Variants in CTBP2 observed in about 807,000 individuals in gnomAD.
The protein encoded by CTBP2 is C-terminal binding protein 2.
In CTBP2, 30 loss-of-function variants were observed where a neutral mutation model predicts 80.3. That is an observed-to-expected ratio of 0.37 (90% CI 0.28 to 0.51). The LOEUF (loss-of-function observed/expected upper bound fraction) is 0.51, where lower values mean the gene tolerates loss of function less well. Ranked by LOEUF, CTBP2 falls within the 20% of genes least tolerant of loss-of-function variation. The pLI is 0.93. For missense variants in CTBP2, 1,212 were observed against 1,375.3 expected (o/e 0.88, Z 1.88); for synonymous variants, 594 against 587.4 (o/e 1.01, Z -0.16).
intron 3 of CTBP2, chr10:125,000,154 G>A (rs1954255784): frequency 6.6e-6 from 1 of 152,314 alleles, no homozygotes; most frequent in Non-Finnish European, 1.5e-5. Context: ...AGAGTCCCAG[G>A]ACGGGGAGAT....
chr10:124,995,849 T>C (rs112497142), intron 4 of CTBP2, among the ~76,000 whole-genome samples: 47 of 152,232 alleles, frequency 3.1e-4, no homozygotes, highest in African/African-American at 9.1e-4. Context: ...AGCATGCAAC[T>C]GCTGGGAGCT....
intron 2 of CTBP2, among the ~76,000 whole-genome samples, chr10:125,042,076 T>G (rs1249336818): frequency 6.6e-6 from 1 of 152,062 alleles, no homozygotes; most frequent in African/African-American, 2.4e-5. Flanking sequence ...GCTGGCCATC[T>G]TGGCTCCCAA....
At chr10:125,093,133 T>C (rs1849035670) in intron 2 of CTBP2, among the ~76,000 whole-genome samples, 1 of 152,216 alleles carries the variant, frequency 6.6e-6, no homozygotes, top group Non-Finnish European at 1.5e-5. Context: ...TATCAGAAGC[T>C]GTTTCCTTCG....
rs369550325 is a variant in CTBP2 at position 125,026,825 on chromosome 10, T to C, written c.935A>G (p.Gln312Arg). The C allele has an allele frequency of 5.6e-6, 9 of 1,613,376 alleles. No homozygotes were observed. The African/African-American group carries it at 1.2e-4, about 22-fold the overall frequency. ...GACGGCCGGGGAGTCAAAGCCCTGC[T>C]GCAGTAGGGCTCCCAGCGTGGCCTC... The change falls in exon 1 of 9, where the codon CAG becomes CGG. Residue 312 changes from glutamine to arginine, a missense_variant. By Grantham distance (43) the Gln-to-Arg change is conservative (BLOSUM62 1). Transcript: ENST00000309035.
chr10:125,002,254 G>A (rs865919918), intron 3 of CTBP2, among the ~76,000 whole-genome samples: 4 of 152,230 alleles, frequency 2.6e-5, no homozygotes, highest in Admixed American at 6.5e-5. Flanking sequence ...GAGGACGCTC[G>A]ATGCCAGCGG....
rs780218906 is a variant in CTBP2, at chr10:124,993,252, G to A, written c.2609C>T (p.Ser870Leu). Residue 870 changes from serine (S) to leucine (L), a missense_variant, in exon 7 of 9, where the codon TCA becomes TTA. Transcript: ENST00000309035. ...GGCAGCTGCCTCCCTCATCTCCAGT[G>A]ACGCCTGCTCACTGTACCAGGCAGT... The A allele has an allele frequency of 6.2e-7, 1 of 1,605,006 alleles. No homozygotes were observed. The highest frequency in any genetic ancestry group is 8.5e-7 in the Non-Finnish European group (1 of 1,172,842).
At chr10:125,117,244 C>T (rs1038979620) in intron 1 of CTBP2, among the ~76,000 whole-genome samples, 5 of 152,172 alleles carry the variant, frequency 3.3e-5, no homozygotes, top group East Asian at 3.8e-4. Flanking sequence ...CTGGGATGGC[C>T]GCCAGCTGGC....
At chr10:124,999,911 C>T (rs910267056) in intron 3 of CTBP2, 9 of 152,328 alleles carry the variant, frequency 5.9e-5, no homozygotes, top group Middle Eastern at 3.4e-3. Flanking sequence ...CCCTCAAGGA[C>T]GCTGGCTCCG....
chr10:124,987,725 G>A lies in CTBP2; in HGVS notation c.*1793C>T, dbSNP rs879463913. 1 of 152,196 alleles carries A rather than the reference G, an allele frequency of 6.6e-6. No individual in the cohort carries two copies. The highest frequency in any genetic ancestry group is 1.5e-5 in the Non-Finnish European group (1 of 68,034). 9.4% of individuals were successfully genotyped at this position (152,196 alleles called of 1,614,324 possible). On this transcript the variant is annotated 3_prime_UTR_variant, in exon 9 of 9. Coordinates refer to ENST00000309035, the MANE Select transcript of CTBP2 (RefSeq NM_022802.3). ...AAAATGAGTGAGCAGACAAGGCCAG[G>A]CAAGCCAAAGGCTTTAAGACACCAT...
In CTBP2 at chr10:125,100,327, G is replaced by A. The variant is rs184677373; in HGVS notation, c.-102+10663C>T. 2.6e-5 allele frequency among the ~76,000 whole-genome samples: 4 copies of A among 152,262 alleles called. No individual in the cohort carries two copies. The East Asian group carries it at 7.7e-4, about 29-fold the overall frequency. On this transcript the variant is annotated intron_variant, in intron 2 of 10. Transcript: ENST00000337195. ...CAAAAGCCAGAAATCCATTTATTTA[G>A]TAACCAAAGCTCAATATCACACAAG... is the stretch of plus-strand genomic sequence containing the variant.
In CTBP2 at chr10:125,154,408, C is replaced by A. The variant is rs560753195; in HGVS notation, c.-206+5911G>T. Among the ~76,000 whole-genome samples the A allele has an allele frequency of 3.9e-5, 6 of 152,322 alleles. No individual in the cohort carries two copies. In the East Asian group the frequency reaches 1.2e-3, roughly 29 times the overall value. Reference sequence around the variant, plus strand: ...AACCGATCTTTGGGAAAAACGAAGTCTCTATTATTACCTAGGACAAAAGTC... The same window carrying A: ...AACCGATCTTTGGGAAAAACGAAGTATCTATTATTACCTAGGACAAAAGTC... On this transcript the variant is annotated intron_variant, in intron 1 of 10. Coordinates refer to the CTBP2 transcript ENST00000337195.
intron 2 of CTBP2, among the ~76,000 whole-genome samples, chr10:125,041,208 A>C (rs1188796178): frequency 6.6e-6 from 1 of 152,114 alleles, no homozygotes; most frequent in Non-Finnish European, 1.5e-5. Context: ...CACCTCCTTA[A>C]TAGGTGGTAC....
rs753296753 is a variant in CTBP2 at position 125,026,797 on chromosome 10, C to T, written c.963G>A (p.Leu321=). The change falls in exon 1 of 9, where the codon CTG becomes CTA. Residue 321 remains leucine, a synonymous_variant. Transcript: ENST00000309035. ...TGATATCCGCGTCCTCCAGGGTAGCCAGGACGGCCGGGGAGTCAAAGCCCT... is the reference window on the plus strand; with the variant it reads ...TGATATCCGCGTCCTCCAGGGTAGCTAGGACGGCCGGGGAGTCAAAGCCCT... 2 of 1,613,294 alleles carry T rather than the reference C, an allele frequency of 1.2e-6. No homozygotes were observed. The highest frequency in any genetic ancestry group is 1.7e-6 in the Non-Finnish European group (2 of 1,180,000).
chr10:125,035,473 G>A (rs760447469), intron 3 of CTBP2, among the ~76,000 whole-genome samples: 25 of 152,244 alleles, frequency 1.6e-4, no homozygotes, highest in South Asian at 4.1e-4. Flanking sequence ...TAACACATTC[G>A]AACAAAACGC....
chr10:125,121,749 C>A (rs1286943416), intron 1 of CTBP2, among the ~76,000 whole-genome samples: 1 of 152,206 alleles, frequency 6.6e-6, no homozygotes, highest in African/African-American at 2.4e-5. Flanking sequence ...GGAAAAAGGC[C>A]TGCGTCCCCC....
intron 2 of CTBP2, among the ~76,000 whole-genome samples, chr10:125,079,979 G>T (rs1325426631): frequency 6.6e-6 from 1 of 152,074 alleles, no homozygotes; most frequent in African/African-American, 2.4e-5. Flanking sequence ...TCCATTCCTG[G>T]TAACCATGCT....
At chr10:125,090,773 T>TAACAA (rs1035253834) in intron 2 of CTBP2, among the ~76,000 whole-genome samples, 15 of 150,920 alleles carry the variant, frequency 9.9e-5, no homozygotes, top group East Asian at 5.8e-4. Context: ...AATAAATAAA[T>TAACAA]AACAAAACAA....
At chr10:125,098,658 GA>G (rs1564913490) in intron 2 of CTBP2, among the ~76,000 whole-genome samples, 252 of 16,152 alleles carry the variant, frequency 0.016, 4 homozygotes, top group African/African-American at 0.044. Context: ...GGGGGAGGGG[GA>G]GAGAGAGAGA....
At position 125,026,688 on chromosome 10, in the gene CTBP2, G is replaced by A; in HGVS notation, c.1072C>T (p.Gln358Ter). 1 of 1,610,780 alleles carries A rather than the reference G, an allele frequency of 6.2e-7. No individual in the cohort carries two copies. The highest frequency in any genetic ancestry group is 1.1e-5 in the South Asian group (1 of 90,884). Residue 358 changes from glutamine (Q) to a stop codon, truncating the protein, a stop_gained, in exon 1 of 9, where the codon CAG becomes TAG. Transcript: ENST00000309035. LOFTEE classifies it high-confidence loss of function. Reference sequence around the variant, plus strand: ...CGGGGCAGCGGGCCCCCCCGGTCCTGCCTCCGCAGCTGCATTTCGGTCCTG... The same window carrying A: ...CGGGGCAGCGGGCCCCCCCGGTCCTACCTCCGCAGCTGCATTTCGGTCCTG...
Sources: allele counts gnomAD v4.1 joint callset (sites outside exome capture counted in the v4.1 genomes callset), GRCh38; gene constraint gnomAD v4.1.1; transcripts MANE v1.5; gene names NCBI Gene and HGNC (gene_info 2026-07-23, HGNC 2026-07-21).